ADAMTSL1: variants seen among roughly 807,000 people sequenced by gnomAD.
The protein encoded by ADAMTSL1 is ADAMTS-like protein 1.
Under a neutral mutation model 201.8 loss-of-function variants are expected in ADAMTSL1, and 126 were observed. The observed-to-expected ratio is 0.62, with a 90% confidence interval of 0.54 to 0.72. ADAMTSL1 has a LOEUF of 0.72. Among genes scored for constraint, ADAMTSL1 ranks in the 30% least tolerant of loss-of-function variants. ADAMTSL1 has a pLI of 0.00. For missense variants in ADAMTSL1, 2,679 were observed against 2,277.8 expected, an observed-to-expected ratio of 1.18 and a Z score of -3.59; for synonymous variants, 1,121 against 903.4, an observed-to-expected ratio of 1.24 and a Z score of -4.32.
chr9:18,833,847 T>A (rs1367590805), intron 23 of ADAMTSL1, among the ~76,000 whole-genome samples: 1 of 152,208 alleles, frequency 6.6e-6, no homozygotes, highest in Admixed American at 6.5e-5. Flanking sequence ...CTTCAATCCA[T>A]CTTGAGTTAA....
intron 1 of ADAMTSL1, among the ~76,000 whole-genome samples, chr9:17,916,274 C>T (rs552510040): frequency 6.6e-6 from 1 of 152,160 alleles, no homozygotes; most frequent in South Asian, 2.1e-4. Flanking sequence ...CAGTCTGTGG[C>T]CTGTCTTTTC....
chr9:18,571,456 ACTT>A (rs1822296474), intron 3 of ADAMTSL1, among the ~76,000 whole-genome samples: 3 of 152,308 alleles, frequency 2.0e-5, no homozygotes, highest in Admixed American at 1.3e-4. Context: ...AATGTACTCT[ACTT>A]CTTCTGTACT....
At chr9:17,938,649 C>A (rs1007990801) in intron 1 of ADAMTSL1, among the ~76,000 whole-genome samples, 4 of 152,242 alleles carry the variant, frequency 2.6e-5, no homozygotes, top group Non-Finnish European at 1.5e-5. Flanking sequence ...GGAAAGCCCC[C>A]GACCAAACAA....
intron 2 of ADAMTSL1, among the ~76,000 whole-genome samples, chr9:18,357,801 A>T (rs1353994644): frequency 1.3e-5 from 2 of 152,134 alleles, no homozygotes; most frequent in Non-Finnish European, 2.9e-5. Flanking sequence ...GTCATTTACA[A>T]TTATGCAGCC....
intron 1 of ADAMTSL1, among the ~76,000 whole-genome samples, chr9:18,103,798 ATCT>A (rs1326944428): frequency 2.0e-5 from 3 of 152,172 alleles, no homozygotes; most frequent in African/African-American, 7.2e-5. Flanking sequence ...GGCTTTAGAC[ATCT>A]TCTAGGCCTT....
chr9:18,646,303 G>T (rs1318162739), intron 7 of ADAMTSL1, among the ~76,000 whole-genome samples: 1 of 152,122 alleles, frequency 6.6e-6, no homozygotes, highest in Non-Finnish European at 1.5e-5. Flanking sequence ...AGACAATGGG[G>T]TTTTCTAGAT....
chr9:18,104,259 A>G (rs1824657486), intron 1 of ADAMTSL1, among the ~76,000 whole-genome samples: 2 of 152,134 alleles, frequency 1.3e-5, no homozygotes, highest in South Asian at 4.1e-4. Context: ...TACCACTAGC[A>G]GTGTAGTCGC....
At chr9:18,424,240 A>G (rs1407601695) in intron 2 of ADAMTSL1, among the ~76,000 whole-genome samples, 1 of 152,220 alleles carries the variant, frequency 6.6e-6, no homozygotes, top group African/African-American at 2.4e-5. Flanking sequence ...CTCAGCCAAT[A>G]AAGTACAAGC....
chr9:18,758,932 G>A (rs960165841), intron 16 of ADAMTSL1, among the ~76,000 whole-genome samples: 4 of 152,030 alleles, frequency 2.6e-5, no homozygotes, highest in African/African-American at 7.2e-5. Context: ...ATATATCAAT[G>A]TATATATCAT....
At chr9:18,353,664 G>T (rs1255982253) in intron 2 of ADAMTSL1, among the ~76,000 whole-genome samples, 2 of 152,080 alleles carry the variant, frequency 1.3e-5, no homozygotes, top group Non-Finnish European at 2.9e-5. Flanking sequence ...TACTATTAAG[G>T]TTGCCCATAA....
intron 2 of ADAMTSL1, among the ~76,000 whole-genome samples, chr9:18,510,024 A>G (rs181194579): frequency 6.6e-6 from 1 of 152,334 alleles, no homozygotes; most frequent in African/African-American, 2.4e-5. Context: ...CCTAGCAGGT[A>G]ACTGGAATGT....
chr9:18,882,978 T>C (rs1447870096), intron 23 of ADAMTSL1, among the ~76,000 whole-genome samples: 4 of 125,654 alleles, frequency 3.2e-5, no homozygotes, highest in African/African-American at 1.3e-4. Flanking sequence ...AGCAACAGAA[T>C]GAGAGCCTGC....
intron 3 of ADAMTSL1, among the ~76,000 whole-genome samples, chr9:18,538,886 C>T (rs1819958681): frequency 6.6e-6 from 1 of 152,196 alleles, no homozygotes; most frequent in Non-Finnish European, 1.5e-5. Context: ...GACGCTGCTA[C>T]AGGTCTTCCT....
intron 2 of ADAMTSL1, among the ~76,000 whole-genome samples, chr9:18,328,077 G>A (rs1221734894): frequency 6.6e-6 from 1 of 152,204 alleles, no homozygotes; most frequent in African/African-American, 2.4e-5. Flanking sequence ...TCAAAGAAGT[G>A]TTACAAGTCA....
At chr9:18,267,621 A>G (rs549904948) in intron 2 of ADAMTSL1, among the ~76,000 whole-genome samples, 1 of 152,300 alleles carries the variant, frequency 6.6e-6, no homozygotes, top group Non-Finnish European at 1.5e-5. Flanking sequence ...AAGAATAGAC[A>G]GAATTCTATT....
At chr9:17,930,571 T>C (rs1826741098) in intron 1 of ADAMTSL1, among the ~76,000 whole-genome samples, 1 of 152,040 alleles carries the variant, frequency 6.6e-6, no homozygotes, top group South Asian at 2.1e-4. Context: ...TGGAGAGTCA[T>C]AAATATATGT....
At chr9:18,637,673 T>G (rs989520309) in intron 6 of ADAMTSL1, among the ~76,000 whole-genome samples, 10 of 152,276 alleles carry the variant, frequency 6.6e-5, no homozygotes, top group African/African-American at 2.2e-4. Flanking sequence ...GTGTTCTTTT[T>G]TTGTATTTGA....
intron 2 of ADAMTSL1, among the ~76,000 whole-genome samples, chr9:18,378,050 A>G (rs1052596299): frequency 6.6e-6 from 1 of 152,114 alleles, no homozygotes; most frequent in Non-Finnish European, 1.5e-5. Flanking sequence ...TGAGAACTTG[A>G]TTCTTCTCTG....
At chr9:18,000,745 T>C (rs1329241558) in intron 1 of ADAMTSL1, among the ~76,000 whole-genome samples, 1 of 152,096 alleles carries the variant, frequency 6.6e-6, no homozygotes, top group Non-Finnish European at 1.5e-5. Context: ...GGCTATGAGA[T>C]TATCCATAAA....
Sources: gnomAD v4.1 joint callset for allele counts (sites outside exome capture counted in the v4.1 genomes callset) on GRCh38, gnomAD v4.1.1 for gene constraint, MANE v1.5 for transcripts, NCBI Gene and HGNC (gene_info 2026-07-23, HGNC 2026-07-21) for gene names.